Variants in OTOA observed in about 807,000 individuals in gnomAD.
OTOA encodes the protein cancer/testis antigen 108.
In OTOA, 70 loss-of-function variants were observed where a neutral mutation model predicts 110.8. The ratio of observed to expected loss-of-function variants is 0.63; its 90% CI spans 0.52 to 0.77. The LOEUF is 0.77. OTOA is among the 30% of genes least tolerant of loss of function. The probability of loss-of-function intolerance (pLI) is 0.00; values close to 1 mark genes in which losing one functional copy is unlikely to be tolerated. For synonymous variants in OTOA, 373 were observed against 431.5 expected (o/e 0.86, Z 1.68); for missense variants, 917 against 1,075.8 (o/e 0.85, Z 2.06).
At chr16:21,690,139 A>G (rs1897798455) in intron 8 of OTOA, among the ~76,000 whole-genome samples, 1 of 152,158 alleles carries the variant, frequency 6.6e-6, no homozygotes, top group African/African-American at 2.4e-5. Context: ...GAAGGGGAAG[A>G]GGAAAATGGG....
At chr16:21,713,502 T>C (rs975258796) in intron 13 of OTOA, among the ~76,000 whole-genome samples, 6 of 152,184 alleles carry the variant, frequency 3.9e-5, no homozygotes, top group African/African-American at 1.4e-4. Context: ...ACTGAACACT[T>C]ACTATGTGCC....
chr16:21,714,887 T>A, intron 13 of OTOA, 98 bp from the exon 14 acceptor site: 1 of 1,504,146 alleles, frequency 6.6e-7, no homozygotes, highest in South Asian at 1.1e-5. Flanking sequence ...CCCTAAGGTG[T>A]CACCCATCCC....
chr16:21,687,347 C>T, intron 7 of OTOA, 66 bp from the exon 8 acceptor site: 1 of 1,316,814 alleles, frequency 7.6e-7, no homozygotes, highest in South Asian at 1.2e-5. Context: ...AATGTGTGGT[C>T]CCTCCCAGGG....
intron 12 of OTOA, among the ~76,000 whole-genome samples, chr16:21,708,032 C>A (rs918101195): frequency 4.6e-5 from 7 of 151,900 alleles, no homozygotes; most frequent in African/African-American, 9.7e-5. Context: ...ACCTCGTGAT[C>A]CGCCTGCCAT....
intron 15 of OTOA, among the ~76,000 whole-genome samples, chr16:21,717,948 G>A (rs367666618): frequency 5.9e-5 from 9 of 152,010 alleles, no homozygotes; most frequent in South Asian, 4.2e-4. Flanking sequence ...AGTGGCAACC[G>A]TTTTATTTTA....
intron 9 of OTOA, among the ~76,000 whole-genome samples, chr16:21,695,891 A>ATATATATTT (rs569493650): frequency 3.1e-4 from 13 of 41,892 alleles, no homozygotes; most frequent in African/African-American, 1.5e-3. Context: ...ATATATATAT[A>ATATATATTT]TTTTTTTTTT....
rs201485008 is a variant in OTOA, at chr16:21,709,860, C to T, written c.1105-28C>T. The T allele has an allele frequency of 1.1e-3, 1,773 of 1,579,540 alleles. 3 individuals carry two copies. The highest frequency in any genetic ancestry group is 1.4e-3 in the Non-Finnish European group (1,614 of 1,148,808). On this transcript the variant is annotated intron_variant, in intron 12 of 28. Coordinates refer to ENST00000646100, the MANE Select transcript of OTOA (RefSeq NM_144672.4). ...GAGCCACCGCCCTGCTTCCTGTCAA[C>T]ACTCATTCCAGTTTGCTCTCCTTCC...
Position 21,728,402 on chromosome 16 carries a change from A to G in OTOA, c.2178A>G (p.Ala726=). The change falls in exon 20 of 29, where the codon GCA becomes GCG. Residue 726 remains alanine (A), a synonymous_variant. Transcript: ENST00000646100. ...ACCTCAACCCTGAGCAAAAGGCTGC[A>G]GTGAGGCTCAAGCTCCTGGGACAGT... is the stretch of plus-strand genomic sequence containing the variant. ...CPDLNPEQKA[A]VRLKLLGQYG... 1 of 1,614,124 alleles carries G rather than the reference A, an allele frequency of 6.2e-7. No individual in the cohort carries two copies. The highest frequency in any genetic ancestry group is 8.5e-7 in the Non-Finnish European group (1 of 1,180,006).
chr16:21,732,588 C>G (rs1467456266), intron 21 of OTOA, among the ~76,000 whole-genome samples: 1 of 152,028 alleles, frequency 6.6e-6, no homozygotes, highest in Non-Finnish European at 1.5e-5. Context: ...ATCCATATAT[C>G]TATCTAATCT....
rs1488293559 is a variant in OTOA, at chr16:21,722,990, T to C, written c.1880+12T>C. ...TTGGCTGCACTCCCGTAAGTGAACA[T>C]CAGCCCCCACCTTCTGGCTCATCAG... is the stretch of plus-strand genomic sequence containing the variant. On this transcript the variant is annotated intron_variant, in intron 18 of 28. Coordinates refer to ENST00000646100, the MANE Select transcript of OTOA (RefSeq NM_144672.4). The C allele has an allele frequency of 6.2e-7, 1 of 1,613,346 alleles. No homozygotes were observed. Among genetic ancestry groups the C allele is most frequent in the Non-Finnish European group, 8.5e-7 (1 of 1,179,418 alleles).
At chr16:21,697,697 G>A in intron 9 of OTOA, 78 bp from the exon 10 acceptor site, 1 of 1,269,106 alleles carries the variant, frequency 7.9e-7, no homozygotes, top group Non-Finnish European at 1.1e-6. Context: ...CAGCAAAGAT[G>A]CTGTTGACTA....
chr16:21,689,052 CATGAA>C (rs1462057075), intron 8 of OTOA, among the ~76,000 whole-genome samples: 1 of 152,104 alleles, frequency 6.6e-6, no homozygotes, highest in East Asian at 1.9e-4. Flanking sequence ...CCTAGCCCTG[CATGAA>C]ATTGCGCTTT....
chr16:21,724,353 C>A (rs1898849337), intron 18 of OTOA, among the ~76,000 whole-genome samples: 1 of 151,980 alleles, frequency 6.6e-6, no homozygotes, highest in African/African-American at 2.4e-5. Flanking sequence ...ACATTCCAGG[C>A]AGTGGAATGG....
At chr16:21,705,441 T>C (rs896583941) in intron 12 of OTOA, 149 bp downstream of exon 12, 1 of 1,179,904 alleles carries the variant, frequency 8.5e-7, no homozygotes, top group Non-Finnish European at 1.2e-6. Context: ...TCTCAAATAC[T>C]GAGGTAAGTG....
chr16:21,714,446 TTC>T (rs1199989183), intron 13 of OTOA, among the ~76,000 whole-genome samples: 16 of 117,116 alleles, frequency 1.4e-4, no homozygotes, highest in African/African-American at 4.0e-4. Flanking sequence ...CTTTCTTTCT[TTC>T]TCTCTCTCTC....
In OTOA at chr16:21,728,411, C is replaced by A. The variant is rs1301097797; in HGVS notation, c.2187C>A (p.Leu729=). 3 of 1,613,998 alleles carry A rather than the reference C, an allele frequency of 1.9e-6. No homozygotes were observed. The highest frequency in any genetic ancestry group is 2.5e-6 in the Non-Finnish European group (3 of 1,179,986). ...LNPEQKAAVR[L]KLLGQYGLPQ... is the part of the protein sequence containing the mutation. The stretch of plus-strand genomic sequence containing the variant: ...CTGAGCAAAAGGCTGCAGTGAGGCT[C>A]AAGCTCCTGGGACAGTATGGGTGAG... The change falls in exon 20 of 29, where the codon CTC becomes CTA. Residue 729 remains leucine, a synonymous_variant. Coordinates refer to ENST00000646100, the MANE Select transcript of OTOA (RefSeq NM_144672.4).
In OTOA at chr16:21,705,227, C is replaced by G; in HGVS notation, c.1039C>G (p.Gln347Glu). Residue 347 changes from glutamine (Q) to glutamate (E), a missense_variant, in exon 12 of 29, where the codon CAA (glutamine) becomes GAA (glutamate). Around this residue, in one of 6 missense-constraint regions of OTOA, gnomAD observed 840 missense variants for 910.2 expected, o/e 0.92. Transcript: ENST00000646100. ...GGAATTGCTGGATGCCACTGTGGCT[C>G]AAGTCCTGCTTTACCAGATGATCAA... ...DLELLDATVAQVLLYQMIKCS... is the reference protein window; with the variant it reads ...DLELLDATVAEVLLYQMIKCS... The G allele has an allele frequency of 6.2e-7, 1 of 1,614,122 alleles. No homozygotes were observed. The highest frequency in any genetic ancestry group is 8.5e-7 in the Non-Finnish European group (1 of 1,180,028).
chr16:21,669,458 G>T (rs747013932), intron 1 of OTOA, among the ~76,000 whole-genome samples: 1 of 152,018 alleles, frequency 6.6e-6, no homozygotes, highest in Non-Finnish European at 1.5e-5. Flanking sequence ...TAACCTGCAG[G>T]CTCAAACATC....
chr16:21,667,612 A>C (rs1238157268), intron 1 of OTOA, among the ~76,000 whole-genome samples: 3 of 151,904 alleles, frequency 2.0e-5, no homozygotes, highest in East Asian at 1.9e-4. Flanking sequence ...AAAAAAAAAA[A>C]ACAATTAAAT....
Sources: gnomAD v4.1 joint callset for allele counts (sites outside exome capture counted in the v4.1 genomes callset) on GRCh38, gnomAD v4.1.1 for gene constraint, gnomAD v4.1.1 regional missense constraint, MANE v1.5 for transcripts, NCBI Gene and HGNC (gene_info 2026-07-23, HGNC 2026-07-21) for gene names.